Variants in SLC14A2 observed in about 807,000 individuals in gnomAD.
The protein encoded by SLC14A2 is urea transporter 2.
In SLC14A2, 91 loss-of-function variants were observed where a neutral mutation model predicts 104.6. The ratio of observed to expected loss-of-function variants is 0.87; its 90% confidence interval spans 0.73 to 1.04. The LOEUF is 1.04. Ranked by LOEUF, SLC14A2 falls within the 50% of genes least tolerant of loss-of-function variation. The pLI, the probability that SLC14A2 is intolerant of heterozygous loss-of-function variation, is 0.00. For synonymous variants in SLC14A2, 476 were observed against 466.4 expected, an observed-to-expected ratio of 1.02 and a Z score of -0.27; for missense variants, 1,189 against 1,156.0, an observed-to-expected ratio of 1.03 and a Z score of -0.41.
chr18:45,405,692 C>A (rs2144470482), intron 1 of SLC14A2, among the ~76,000 whole-genome samples: 1 of 152,034 alleles, frequency 6.6e-6, no homozygotes, highest in South Asian at 2.1e-4. Context: ...CTTTTGAGAT[C>A]AGGAGTTTGA....
intron 2 of SLC14A2, among the ~76,000 whole-genome samples, chr18:45,527,604 G>A (rs2043612736): frequency 6.6e-6 from 1 of 152,276 alleles, no homozygotes; most frequent in Admixed American, 6.5e-5. Context: ...ATATGGGAAG[G>A]ATGTGGCATT....
At chr18:45,586,052 A>T (rs1186534993) in intron 2 of SLC14A2, among the ~76,000 whole-genome samples, 2 of 152,264 alleles carry the variant, frequency 1.3e-5, no homozygotes, top group African/African-American at 4.8e-5. Flanking sequence ...TGGCACCGAC[A>T]AGTAATAAAT....
chr18:45,247,405 G>C (rs918028282), intron 1 of SLC14A2, among the ~76,000 whole-genome samples: 7 of 152,192 alleles, frequency 4.6e-5, no homozygotes, highest in African/African-American at 1.7e-4. Flanking sequence ...TTCCTTCAAC[G>C]GATTGTGGAG....
At chr18:45,502,790 A>G (rs897970992) in intron 2 of SLC14A2, among the ~76,000 whole-genome samples, 6 of 152,090 alleles carry the variant, frequency 3.9e-5, no homozygotes, top group Admixed American at 6.5e-5. Context: ...GACACATTCA[A>G]TGTTGCATCA....
At chr18:45,481,596 T>C (rs536506034) in intron 1 of SLC14A2, among the ~76,000 whole-genome samples, 93 of 152,330 alleles carry the variant, frequency 6.1e-4, no homozygotes, top group African/African-American at 2.1e-3. Context: ...GTATACAAAA[T>C]GCTTCCAAAA....
chr18:45,569,629 T>A (rs1363001334), intron 2 of SLC14A2, among the ~76,000 whole-genome samples: 1 of 152,218 alleles, frequency 6.6e-6, no homozygotes, highest in African/African-American at 2.4e-5. Context: ...GCTGACTACA[T>A]GTGGGTAATT....
intron 1 of SLC14A2, among the ~76,000 whole-genome samples, chr18:45,236,841 C>T (rs1295992547): frequency 6.6e-6 from 1 of 152,038 alleles, no homozygotes. Flanking sequence ...AAGCTGTATG[C>T]TGAAACATCC....
intron 1 of SLC14A2, among the ~76,000 whole-genome samples, chr18:45,362,322 G>A (rs2085620651): frequency 6.6e-6 from 1 of 152,256 alleles, no homozygotes; most frequent in Non-Finnish European, 1.5e-5. Context: ...AACACAACTG[G>A]GGAGTAGAAT....
chr18:45,395,556 T>G (rs997178742), intron 1 of SLC14A2, among the ~76,000 whole-genome samples: 2 of 152,154 alleles, frequency 1.3e-5, no homozygotes, highest in South Asian at 2.1e-4. Context: ...ATATGTGGGG[T>G]TTTTACCACA....
the SLC14A2 span, among the ~76,000 whole-genome samples, chr18:45,196,321 C>G: frequency 6.6e-6 from 1 of 152,142 alleles, no homozygotes; most frequent in Admixed American, 6.5e-5. Flanking sequence ...CATTCTCATT[C>G]TCTTTCTCTC....
At chr18:45,224,203 C>A (rs949866066) in intron 1 of SLC14A2, among the ~76,000 whole-genome samples, 1 of 152,220 alleles carries the variant, frequency 6.6e-6, no homozygotes. Context: ...GCCATGGCAG[C>A]AGCCAAAGCC....
intron 5 of SLC14A2, among the ~76,000 whole-genome samples, chr18:45,632,891 A>G (rs2045368560): frequency 6.6e-6 from 1 of 152,152 alleles, no homozygotes. Flanking sequence ...GTTAGCCAGG[A>G]TGGTCTCGAT....
At chr18:45,283,064 G>A (rs746730929) in intron 1 of SLC14A2, among the ~76,000 whole-genome samples, 45 of 152,282 alleles carry the variant, frequency 3.0e-4, no homozygotes, top group African/African-American at 5.1e-4. Flanking sequence ...TCCCTCCTCC[G>A]TGAGAACGAA....
At chr18:45,356,657 T>C (rs1172830626) in intron 1 of SLC14A2, among the ~76,000 whole-genome samples, 1 of 152,220 alleles carries the variant, frequency 6.6e-6, no homozygotes, top group African/African-American at 2.4e-5. Context: ...AGATATGGGT[T>C]AGGAACAACA....
intron 1 of SLC14A2, among the ~76,000 whole-genome samples, chr18:45,476,799 T>A (rs964414532): frequency 2.1e-5 from 3 of 146,338 alleles, no homozygotes; most frequent in Non-Finnish European, 4.6e-5. Context: ...GTATGCTTCA[T>A]GAAGTTCTTG....
At chr18:45,343,245 T>G (rs1222277282) in intron 1 of SLC14A2, among the ~76,000 whole-genome samples, 1 of 151,620 alleles carries the variant, frequency 6.6e-6, no homozygotes, top group Non-Finnish European at 1.5e-5. Flanking sequence ...TGTGTCTCTC[T>G]CTCAGCTCTG....
chr18:45,291,312 T>A (rs548855035), intron 1 of SLC14A2, among the ~76,000 whole-genome samples: 1 of 152,138 alleles, frequency 6.6e-6, no homozygotes, highest in South Asian at 2.1e-4. Flanking sequence ...AAAGAGACAA[T>A]TCTTTCTTTC....
chr18:45,404,699 A>G (rs941683910), intron 1 of SLC14A2, among the ~76,000 whole-genome samples: 2 of 152,188 alleles, frequency 1.3e-5, no homozygotes, highest in East Asian at 3.8e-4. Flanking sequence ...GTATAATGGA[A>G]AGAAGCCTGA....
chr18:45,271,926 G>T (rs1226505815), intron 1 of SLC14A2, among the ~76,000 whole-genome samples: 2 of 152,112 alleles, frequency 1.3e-5, no homozygotes, highest in Admixed American at 1.3e-4. Flanking sequence ...ATCCAGAACA[G>T]CATGGTACTG....
Sources: allele counts gnomAD v4.1 joint callset (sites outside exome capture counted in the v4.1 genomes callset), GRCh38; gene constraint gnomAD v4.1.1; transcripts MANE v1.5; gene names NCBI Gene and HGNC (gene_info 2026-07-23, HGNC 2026-07-21).